GOLGA4: variants seen among roughly 807,000 people sequenced by gnomAD.
GOLGA4 encodes the protein golgin subfamily A member 4.
In GOLGA4, 169 loss-of-function variants were observed where a neutral mutation model predicts 265.9. That is an observed-to-expected ratio of 0.64 (90% confidence interval 0.56 to 0.72). GOLGA4 has a LOEUF of 0.72. GOLGA4 is among the 30% of genes least tolerant of loss of function. The pLI is 0.00. For synonymous variants in GOLGA4, 923 were observed against 855.8 expected (o/e 1.08, Z -1.37); for missense variants, 2,482 against 2,483.4 (o/e 1.00, Z 0.01).
intron 8 of GOLGA4, 87 bp from the exon 9 acceptor site, chr3:37,299,201 A>T: frequency 1.0e-6 from 1 of 981,342 alleles, no homozygotes. Flanking sequence ...GCACTGTAAC[A>T]TGTATATAAA....
rs537057519 is a variant in GOLGA4 at position 37,318,570 on chromosome 3, A to T, written c.1414-493A>T. On this transcript the variant is annotated intron_variant, in intron 11 of 23. Coordinates refer to ENST00000361924, the MANE Select transcript of GOLGA4 (RefSeq NM_002078.5). ...GGGCTCCCCCATTCTGTTTTTTTTT[A>T]ATATATATTAACTTTTTAGATTTAT... Among the ~76,000 whole-genome samples, 3 of 151,236 alleles carry T rather than the reference A, an allele frequency of 2.0e-5. No homozygotes were observed. The East Asian group carries it at 5.8e-4, about 29-fold the overall frequency.
chr3:37,350,212 G>A (rs2097069619), intron 21 of GOLGA4, among the ~76,000 whole-genome samples: 1 of 152,156 alleles, frequency 6.6e-6, no homozygotes. Flanking sequence ...TTTCCAAGGT[G>A]TGGCAAAGAG....
At chr3:37,316,073 G>A (rs893884764) in intron 11 of GOLGA4, among the ~76,000 whole-genome samples, 9 of 152,078 alleles carry the variant, frequency 5.9e-5, no homozygotes, top group African/African-American at 2.2e-4. Flanking sequence ...TAGCTTTTTG[G>A]AAAGATCTCT....
At chr3:37,294,755 C>T (rs2096873775) in intron 5 of GOLGA4, among the ~76,000 whole-genome samples, 1 of 152,160 alleles carries the variant, frequency 6.6e-6, no homozygotes, top group Admixed American at 6.5e-5. Context: ...CTGGAAAGTA[C>T]ACTTTTTTCT....
intron 3 of GOLGA4, among the ~76,000 whole-genome samples, chr3:37,282,934 A>AT (rs1446547576): frequency 6.6e-6 from 1 of 152,162 alleles, no homozygotes; most frequent in Admixed American, 6.5e-5. Context: ...TCTGCATCCT[A>AT]TGCAGTTAAA....
chr3:37,291,307 C>T (rs184207134), intron 5 of GOLGA4, among the ~76,000 whole-genome samples: 107 of 152,164 alleles, frequency 7.0e-4, no homozygotes, highest in South Asian at 5.4e-3. Context: ...CCCTTCTCCA[C>T]TAAGAGCCCT....
At chr3:37,351,908 T>C (rs2097075805) in intron 21 of GOLGA4, among the ~76,000 whole-genome samples, 1 of 152,020 alleles carries the variant, frequency 6.6e-6, no homozygotes, top group Non-Finnish European at 1.5e-5. Flanking sequence ...TGCCTTCAAC[T>C]GAGAGTCACA....
At chr3:37,335,024 C>G (rs1417508363) in intron 16 of GOLGA4, 29 bp from the exon 17 acceptor site, 3 of 1,356,560 alleles carry the variant, frequency 2.2e-6, no homozygotes, top group Non-Finnish European at 3.0e-6. Flanking sequence ...TTTTCTTTTC[C>G]TTTTTTTCTT....
At chr3:37,257,970 CATACAT>C (rs1356223235) in intron 2 of GOLGA4, among the ~76,000 whole-genome samples, 1 of 80,574 alleles carries the variant, frequency 1.2e-5, no homozygotes, top group African/African-American at 7.0e-5. Flanking sequence ...TGTATATATA[CATACAT>C]ATATATATGT....
Position 37,315,423 on chromosome 3 carries a change from T to C in GOLGA4, c.1238T>C (p.Phe413Ser). The change falls in exon 11 of 24, where the codon TTT becomes TCT. Residue 413 changes from phenylalanine to serine, a missense_variant. By Grantham distance (155) the Phe-to-Ser change is radical (BLOSUM62 -2). This residue lies in a region of GOLGA4 where 1,536 missense variants were observed against 1,483.7 expected (regional missense o/e 1.04). Transcript: ENST00000361924. ...TTTTCTGTTGTTTTCATTATAGCTT[T>C]TGAGGAACTTGAAAAAGCTTTGAGT... ...EQKEKSERAA[F>S]EELEKALSTA... 3.1e-6 allele frequency: 5 copies of C among 1,610,534 alleles called. No homozygotes were observed. The highest frequency in any genetic ancestry group is 4.2e-6 in the Non-Finnish European group (5 of 1,178,738).
intron 2 of GOLGA4, among the ~76,000 whole-genome samples, chr3:37,258,307 TAG>T (rs1369930772): frequency 6.7e-6 from 1 of 149,856 alleles, no homozygotes; most frequent in African/African-American, 2.5e-5. Context: ...TATATATATA[TAG>T]AGAGCATATA....
rs1041104655 is a variant in GOLGA4, at chr3:37,324,193, C to T, written c.2307C>T (p.Asp769=). Reference sequence around the variant, plus strand: ...TTGAGCTTCTCTTGAAGGAAAGGGACAAGCATTTGAAAGAGCATCAGGCTC... The same window carrying T: ...TTGAGCTTCTCTTGAAGGAAAGGGATAAGCATTTGAAAGAGCATCAGGCTC... ...NQLELLLKER[D]KHLKEHQAHV... The change falls in exon 14 of 24, where the codon GAC becomes GAT. Residue 769 remains aspartate (D), a synonymous_variant. Transcript: ENST00000361924. 2.5e-6 allele frequency: 4 copies of T among 1,614,112 alleles called. No homozygotes were observed. Among genetic ancestry groups the T allele is most frequent in the Non-Finnish European group, 2.5e-6 (3 of 1,180,000 alleles).
At chr3:37,344,809 T>A (rs2097050923) in intron 20 of GOLGA4, among the ~76,000 whole-genome samples, 1 of 152,214 alleles carries the variant, frequency 6.6e-6, no homozygotes. Flanking sequence ...GGATTTTGAT[T>A]AGGCTTGCAT....
rs1442689550 is a variant in GOLGA4 at position 37,326,435 on chromosome 3, G to C, written c.4549G>C (p.Glu1517Gln). 3 of 1,612,382 alleles carry C rather than the reference G, an allele frequency of 1.9e-6. No individual in the cohort carries two copies. The highest frequency in any genetic ancestry group is 2.5e-6 in the Non-Finnish European group (3 of 1,178,828). Reference sequence around the variant, plus strand: ...GATGGAGAAAAAGGAGTCTAATTTAGAAACAGAGTTAAAGTCTCAAACAGC... The same window carrying C: ...GATGGAGAAAAAGGAGTCTAATTTACAAACAGAGTTAAAGTCTCAAACAGC... Reference protein sequence around the residue: ...SKMEKKESNLETELKSQTARI... With the variant: ...SKMEKKESNLQTELKSQTARI... The change falls in exon 14 of 24, where the codon GAA (glutamate) becomes CAA (glutamine). Residue 1517 changes from glutamate (E) to glutamine (Q), a missense_variant. Around this residue, in one of 3 missense-constraint regions of GOLGA4, gnomAD observed 942 missense variants for 983.1 expected, o/e 0.96. Transcript: ENST00000361924.
chr3:37,274,116 AGAT>A (rs2096806724), intron 2 of GOLGA4, among the ~76,000 whole-genome samples: 8 of 151,190 alleles, frequency 5.3e-5, no homozygotes, highest in East Asian at 1.9e-4. Flanking sequence ...AAAAAAAAAA[AGAT>A]AATAATAATA....
In GOLGA4 at chr3:37,276,024, G is replaced by T. The variant is rs3774317; in HGVS notation, c.163-5934G>T. ...GCAAGAGAAGAAAGTACTTCCAGCG[G>T]CAATGTAAGCAACAGAAAGGATGAG... On this transcript the variant is annotated intron_variant, in intron 2 of 23. Transcript: ENST00000361924. The T allele has an allele frequency of 4.0e-4, 653 of 1,612,922 alleles. 4 individuals carry two copies. The East Asian group carries it at 0.013, about 31-fold the overall frequency.
rs764332120 is a variant in GOLGA4 at position 37,327,013 on chromosome 3, C to T, written c.5127C>T (p.Pro1709=). ...CACAGTCAGAAACATTAATTGTACC[C>T]AGATCAGCAAAAAATGTGGCAGCAT... is the stretch of plus-strand genomic sequence containing the variant. ...ESSQSETLIV[P]RSAKNVAAYT... The change falls in exon 14 of 24, where the codon CCC becomes CCT. Residue 1709 remains proline, a synonymous_variant. Transcript: ENST00000361924. 1 of 1,613,744 alleles carries T rather than the reference C, an allele frequency of 6.2e-7. No individual in the cohort carries two copies. The highest frequency in any genetic ancestry group is 1.7e-5 in the Admixed American group (1 of 59,992).
chr3:37,332,057 C>T (rs2096992338), intron 16 of GOLGA4, among the ~76,000 whole-genome samples: 1 of 152,130 alleles, frequency 6.6e-6, no homozygotes, highest in South Asian at 2.1e-4. Flanking sequence ...TACTGCAGTC[C>T]TTTTTCCCTA....
chr3:37,349,688 G>T lies in GOLGA4; in HGVS notation c.6576+2392G>T, dbSNP rs78021034. On this transcript the variant is annotated intron_variant, in intron 21 of 23. Coordinates refer to ENST00000361924, the MANE Select transcript of GOLGA4 (RefSeq NM_002078.5). ...CTGTTTTTAGACATGTCTTTTGTGG[G>T]TTTGCCCAATTTCTATACATTAACA... Among the ~76,000 whole-genome samples, 131 of 152,214 alleles carry T rather than the reference G, an allele frequency of 8.6e-4. 3 individuals carry two copies. In the East Asian group the frequency reaches 0.024, roughly 27 times the overall value.
Sources: gnomAD v4.1 joint callset for allele counts (sites outside exome capture counted in the v4.1 genomes callset) on GRCh38, gnomAD v4.1.1 for gene constraint, gnomAD v4.1.1 regional missense constraint, MANE v1.5 for transcripts, NCBI Gene and HGNC (gene_info 2026-07-23, HGNC 2026-07-21) for gene names.